DPP6: variants seen among roughly 807,000 people sequenced by gnomAD.
The protein encoded by DPP6 is A-type potassium channel modulatory protein DPP6.
A neutral mutation model predicts 122.6 loss-of-function variants in DPP6; 69 were observed. The ratio of observed to expected loss-of-function variants is 0.56; its 90% CI spans 0.46 to 0.69. DPP6 has a LOEUF of 0.69. DPP6 is among the 30% of genes least tolerant of loss of function. DPP6 has a pLI of 0.00. For missense variants in DPP6, 928 were observed against 1,116.9 expected (o/e 0.83, Z 2.41); for synonymous variants, 418 against 433.1 (o/e 0.97, Z 0.43).
At chr7:153,814,137 A>G in the DPP6 span, among the ~76,000 whole-genome samples, 2 of 152,156 alleles carry the variant, frequency 1.3e-5, no homozygotes, top group African/African-American at 4.8e-5. Flanking sequence ...GGTTTCTTCT[A>G]GGGTTTTTAT....
chr7:154,827,144 C>T (rs910228071), intron 16 of DPP6, among the ~76,000 whole-genome samples: 7 of 151,206 alleles, frequency 4.6e-5, no homozygotes, highest in Non-Finnish European at 1.0e-4. Flanking sequence ...ATTTTTAAAT[C>T]AGATGTTACG....
At chr7:154,137,638 T>TGGGGGGGGGGGGGGGGGGG (rs1795622417) in intron 1 of DPP6, among the ~76,000 whole-genome samples, 1 of 7,126 alleles carries the variant, frequency 1.4e-4, no homozygotes, top group African/African-American at 6.7e-4. Flanking sequence ...CAGGAGGAGA[T>TGGGGGGGGGGGGGGGGGGG]GGTGGGGGGG....
At chr7:154,651,857 C>T (rs901934479) in intron 6 of DPP6, among the ~76,000 whole-genome samples, 6 of 152,206 alleles carry the variant, frequency 3.9e-5, no homozygotes, top group Non-Finnish European at 7.4e-5. Context: ...GGATGCTGGG[C>T]GGTTTTCTCC....
intron 1 of DPP6, among the ~76,000 whole-genome samples, chr7:154,430,732 G>A (rs372198307): frequency 1.2e-4 from 19 of 152,250 alleles, no homozygotes; most frequent in African/African-American, 3.4e-4. Flanking sequence ...TGTGCTTGAC[G>A]CTCTGCTAGA....
intron 1 of DPP6, among the ~76,000 whole-genome samples, chr7:154,103,910 G>A (rs2626690): frequency 4.7e-4 from 72 of 152,086 alleles, no homozygotes; most frequent in Non-Finnish European, 8.2e-4. Flanking sequence ...CTGCATTGTC[G>A]GCTTCCCTGG....
At chr7:154,229,931 C>T (rs1481260666) in intron 1 of DPP6, among the ~76,000 whole-genome samples, 1 of 151,956 alleles carries the variant, frequency 6.6e-6, no homozygotes, top group African/African-American at 2.4e-5. Flanking sequence ...TTTTCATGAA[C>T]TTTTTGAAGA....
chr7:154,113,322 C>T (rs1198407805), intron 1 of DPP6, among the ~76,000 whole-genome samples: 2 of 151,676 alleles, frequency 1.3e-5, no homozygotes, highest in Non-Finnish European at 2.9e-5. Context: ...GTGGCTATAC[C>T]ATTTTGCATT....
intron 7 of DPP6, among the ~76,000 whole-genome samples, chr7:154,711,468 G>A (rs919040245): frequency 4.6e-5 from 7 of 152,232 alleles, no homozygotes; most frequent in African/African-American, 1.2e-4. Context: ...TTTTACTGAT[G>A]TAAATATGAA....
At chr7:154,297,186 C>T (rs983200069) in intron 1 of DPP6, among the ~76,000 whole-genome samples, 3 of 151,376 alleles carry the variant, frequency 2.0e-5, no homozygotes, top group Admixed American at 6.6e-5. Context: ...ACTTGACCTG[C>T]AACAGAGTTG....
At chr7:154,608,587 T>C (rs1191356050) in intron 5 of DPP6, among the ~76,000 whole-genome samples, 1 of 151,316 alleles carries the variant, frequency 6.6e-6, no homozygotes, top group Non-Finnish European at 1.5e-5. Context: ...TCCGCCTGCC[T>C]TGGCCTCCCA....
intron 1 of DPP6, among the ~76,000 whole-genome samples, chr7:154,011,621 C>G (rs755572444): frequency 6.6e-6 from 1 of 152,140 alleles, no homozygotes; most frequent in South Asian, 2.1e-4. Flanking sequence ...TTATTTCTAC[C>G]TGAAGTATTC....
chr7:153,790,386 A>T, the DPP6 span, among the ~76,000 whole-genome samples: 1 of 152,192 alleles, frequency 6.6e-6, no homozygotes, highest in African/African-American at 2.4e-5. Flanking sequence ...TCATTGTGCT[A>T]TATAATTATT....
chr7:154,777,393 G>A (rs1278767364), intron 10 of DPP6, among the ~76,000 whole-genome samples: 12 of 152,190 alleles, frequency 7.9e-5, no homozygotes, highest in Non-Finnish European at 2.9e-5. Flanking sequence ...GGTGGGCCCA[G>A]AGTAGAGCTC....
chr7:154,715,495 A>G (rs1029711812), intron 7 of DPP6, among the ~76,000 whole-genome samples: 2 of 152,258 alleles, frequency 1.3e-5, no homozygotes, highest in Non-Finnish European at 2.9e-5. Context: ...TCATTGGAAC[A>G]CTTGCTAATA....
the DPP6 span, among the ~76,000 whole-genome samples, chr7:153,834,413 C>T: frequency 5.0e-5 from 3 of 59,894 alleles, no homozygotes; most frequent in African/African-American, 2.1e-4. Context: ...GTGCTTAACC[C>T]TCTGGGCCTC....
rs1484315406 is a variant in DPP6 at position 154,074,013 on chromosome 7, A to G, written c.243+20950A>G. On this transcript the variant is annotated intron_variant, in intron 1 of 25. Coordinates refer to ENST00000377770, the MANE Select transcript of DPP6 (RefSeq NM_130797.4). ...AAAATATATATCTATGTATGTATGT[A>G]TGTATGTATGTATGTATGTATGTAT... 3.1e-5 allele frequency among the ~76,000 whole-genome samples: 4 copies of G among 128,936 alleles called. No individual in the cohort carries two copies. In the South Asian group the frequency reaches 7.4e-4, roughly 24 times the overall value. The allele number at this position is 128,936 out of a possible 152,430, so 84.6% of individuals were successfully genotyped here.
chr7:154,087,686 C>CGTTCTT (rs1301895347), intron 1 of DPP6, among the ~76,000 whole-genome samples: 1 of 152,150 alleles, frequency 6.6e-6, no homozygotes, highest in Non-Finnish European at 1.5e-5. Flanking sequence ...TTTGCTGCCC[C>CGTTCTT]GTTCTTGCTT....
At chr7:154,294,609 T>C (rs1805415638) in intron 1 of DPP6, among the ~76,000 whole-genome samples, 1 of 152,168 alleles carries the variant, frequency 6.6e-6, no homozygotes, top group African/African-American at 2.4e-5. Context: ...CATTCTCCTA[T>C]GTAGGCATGA....
chr7:153,985,860 A>G (rs1424121323), intron 1 of DPP6, among the ~76,000 whole-genome samples: 2 of 152,322 alleles, frequency 1.3e-5, no homozygotes, highest in South Asian at 2.1e-4. Flanking sequence ...AAATCTAACT[A>G]TGAAAAAGAA....
Sources: gnomAD v4.1 joint callset for allele counts (sites outside exome capture counted in the v4.1 genomes callset) on GRCh38, gnomAD v4.1.1 for gene constraint, MANE v1.5 for transcripts, NCBI Gene and HGNC (gene_info 2026-07-23, HGNC 2026-07-21) for gene names.